The following ARHGEF10 variants were observed in gnomAD, a reference collection of about 807,000 sequenced individuals.
The protein encoded by ARHGEF10 is Rho guanine nucleotide exchange factor 10.
A neutral mutation model predicts 147.4 loss-of-function variants in ARHGEF10; 140 were observed. The ratio of observed to expected loss-of-function variants is 0.95; its 90% CI spans 0.83 to 1.09. The LOEUF is 1.09. ARHGEF10 is among the 50% of genes least tolerant of loss of function. ARHGEF10 has a pLI of 0.00. For synonymous variants in ARHGEF10, 902 were observed against 695.8 expected (o/e 1.30, Z -4.67); for missense variants, 2,222 against 1,752.7 (o/e 1.27, Z -4.78).
chr8:1,897,088 G>C (rs777295533), intron 14 of ARHGEF10, among the ~76,000 whole-genome samples: 2 of 152,210 alleles, frequency 1.3e-5, no homozygotes, highest in Admixed American at 1.3e-4. Context: ...AGACGTCGGC[G>C]GAACTGAGTC....
intron 18 of ARHGEF10, among the ~76,000 whole-genome samples, chr8:1,919,024 T>G (rs1349010597): frequency 7.2e-6 from 1 of 138,860 alleles, no homozygotes; most frequent in Non-Finnish European, 1.5e-5. Context: ...GTTCTGTGGA[T>G]ATGGAGCTGT....
At chr8:1,881,973 C>A (rs1000880580) in intron 9 of ARHGEF10, among the ~76,000 whole-genome samples, 4 of 152,214 alleles carry the variant, frequency 2.6e-5, no homozygotes, top group Non-Finnish European at 1.5e-5. Context: ...GCCTCAGACG[C>A]CCCTGAGTCT....
rs201240439 is a variant in ARHGEF10, at chr8:1,894,571, C to T, written c.1439C>T (p.Ser480Leu). ...ATGATAGGCGATGTCTTCGTGGCTTCGGTAATTAAGCTGGGACACCTGGAT... is the reference window on the plus strand; with the variant it reads ...ATGATAGGCGATGTCTTCGTGGCTTTGGTAATTAAGCTGGGACACCTGGAT... ...VEMIGDVFVA[S>L]FSKSMVLDAY... Residue 480 changes from serine to leucine, a missense_variant and splice_region_variant, in exon 13 of 29, where the codon TCG (serine) becomes TTG (leucine). Transcript: ENST00000349830. The T allele has an allele frequency of 3.5e-5, 57 of 1,613,864 alleles. No homozygotes were observed. Among genetic ancestry groups the T allele is most frequent in the Middle Eastern group, 3.3e-4 (2 of 6,028 alleles).
chr8:1,856,613 G>A (rs1805573438), intron 2 of ARHGEF10, among the ~76,000 whole-genome samples: 1 of 152,234 alleles, frequency 6.6e-6, no homozygotes, highest in South Asian at 2.1e-4. Flanking sequence ...GTGTAAGTGG[G>A]TTGTGTGTCT....
intron 18 of ARHGEF10, among the ~76,000 whole-genome samples, chr8:1,914,545 G>A (rs1295035338): frequency 6.6e-6 from 1 of 152,258 alleles, no homozygotes; most frequent in Non-Finnish European, 1.5e-5. Flanking sequence ...CCTTATGCCT[G>A]TAAGAGTGAA....
chr8:1,929,494 G>A (rs1321466110), intron 25 of ARHGEF10, 51 bp downstream of exon 25: 5 of 1,553,900 alleles, frequency 3.2e-6, no homozygotes, highest in Non-Finnish European at 4.3e-6. Flanking sequence ...TCACTCAGGG[G>A]ACTGTGCATC....
intron 17 of ARHGEF10, among the ~76,000 whole-genome samples, chr8:1,908,581 G>A (rs1403482437): frequency 6.6e-6 from 1 of 152,144 alleles, no homozygotes; most frequent in Non-Finnish European, 1.5e-5. Context: ...AAAACGTGAT[G>A]ATCACTAAGT....
At chr8:1,938,960 G>A (rs1470058257) in intron 26 of ARHGEF10, among the ~76,000 whole-genome samples, 7 of 121,506 alleles carry the variant, frequency 5.8e-5, no homozygotes, top group African/African-American at 2.0e-4. Flanking sequence ...AGAAACCCCC[G>A]AACACTGGAA....
rs1263153743 is a variant in ARHGEF10 at position 1,896,383 on chromosome 8, C to T, written c.1491C>T (p.Phe497=). 3 of 1,613,960 alleles carry T rather than the reference C, an allele frequency of 1.9e-6. No homozygotes were observed. The highest frequency in any genetic ancestry group is 1.7e-6 in the Non-Finnish European group (2 of 1,180,030). Residue 497 remains phenylalanine, a synonymous_variant, in exon 14 of 29, where the codon TTC becomes TTT. Transcript: ENST00000349830. ...CATACAGTGAATATGTGAACAATTT[C>T]AGCACAGCCGTGGCAGTCCTCAAGA... ...LDAYSEYVNN[F]STAVAVLKKT...
intron 11 of ARHGEF10, among the ~76,000 whole-genome samples, chr8:1,889,459 G>A (rs1312494608): frequency 1.6e-4 from 11 of 67,224 alleles, no homozygotes; most frequent in African/African-American, 3.4e-4. Context: ...AGTGGGGTGA[G>A]GGGTCTGTGA....
chr8:1,925,103 G>A (rs976247609), intron 21 of ARHGEF10, among the ~76,000 whole-genome samples, 180 bp from the exon 22 acceptor site: 5 of 152,198 alleles, frequency 3.3e-5, no homozygotes, highest in East Asian at 1.9e-4. Flanking sequence ...ATAATGCCAC[G>A]AATATACAGC....
intron 6 of ARHGEF10, among the ~76,000 whole-genome samples, chr8:1,868,583 A>C (rs1806817906): frequency 6.6e-6 from 1 of 152,244 alleles, no homozygotes; most frequent in Non-Finnish European, 1.5e-5. Flanking sequence ...TCACTTTCAC[A>C]GAACCCCAGT....
chr8:1,876,222 T>C, intron 7 of ARHGEF10: 2 of 341,350 alleles, frequency 5.9e-6, no homozygotes, highest in South Asian at 3.1e-5. Context: ...TGTAAGTTTA[T>C]ATAAAGGAAG....
At chr8:1,922,520 C>T (rs765246732) in intron 18 of ARHGEF10, among the ~76,000 whole-genome samples, 1 of 152,166 alleles carries the variant, frequency 6.6e-6, no homozygotes, top group Non-Finnish European at 1.5e-5. Flanking sequence ...TTGAGAAACT[C>T]CCCCAGACTG....
At chr8:1,905,152 G>C (rs1810783272) in intron 16 of ARHGEF10, among the ~76,000 whole-genome samples, 1 of 152,058 alleles carries the variant, frequency 6.6e-6, no homozygotes, top group Non-Finnish European at 1.5e-5. Flanking sequence ...AAAAAAGGTA[G>C]TGTGACTTCT....
intron 13 of ARHGEF10, 145 bp from the exon 14 acceptor site, chr8:1,896,188 C>T: frequency 2.5e-6 from 2 of 800,476 alleles, no homozygotes; most frequent in Non-Finnish European, 4.4e-6. Flanking sequence ...AAAAAAATCA[C>T]ACAGTCATAA....
chr8:1,920,136 G>T (rs1812165256), intron 18 of ARHGEF10, among the ~76,000 whole-genome samples: 1 of 151,892 alleles, frequency 6.6e-6, no homozygotes, highest in South Asian at 2.1e-4. Flanking sequence ...TGTTCTGTGT[G>T]CCCTGGAGTT....
intron 10 of ARHGEF10, among the ~76,000 whole-genome samples, chr8:1,883,889 G>A (rs1257917758): frequency 1.3e-5 from 2 of 152,124 alleles, no homozygotes; most frequent in Admixed American, 6.5e-5. Flanking sequence ...CCCCCAACTG[G>A]AGCCCAGATT....
At chr8:1,917,948 T>A (rs959684948) in intron 18 of ARHGEF10, among the ~76,000 whole-genome samples, 5 of 151,454 alleles carry the variant, frequency 3.3e-5, no homozygotes, top group African/African-American at 1.2e-4. Context: ...CTGGCTAATT[T>A]TTTTTTTTTT....
Sources: allele counts gnomAD v4.1 joint callset (sites outside exome capture counted in the v4.1 genomes callset), GRCh38; gene constraint gnomAD v4.1.1; transcripts MANE v1.5; gene names NCBI Gene and HGNC (gene_info 2026-07-23, HGNC 2026-07-21).